TPX2: variants seen among roughly 807,000 people sequenced by gnomAD.
TPX2 encodes the protein targeting protein for Xklp2.
A neutral mutation model predicts 93.6 loss-of-function variants in TPX2; 21 were observed. The ratio of observed to expected loss-of-function variants is 0.22; its 90% CI spans 0.16 to 0.32. The LOEUF (loss-of-function observed/expected upper bound fraction) is 0.32. Among genes scored for constraint, TPX2 ranks in the 10% least tolerant of loss-of-function variants. The probability of loss-of-function intolerance (pLI) is 1.00; values close to 1 mark genes in which losing one functional copy is unlikely to be tolerated. For synonymous variants in TPX2, 281 were observed against 298.3 expected, an observed-to-expected ratio of 0.94 and a Z score of 0.60; for missense variants, 776 against 871.1, an observed-to-expected ratio of 0.89 and a Z score of 1.37.
intron 15 of TPX2, among the ~76,000 whole-genome samples, chr20:31,795,407 T>C (rs2062132105): frequency 6.6e-6 from 1 of 152,286 alleles, no homozygotes; most frequent in Non-Finnish European, 1.5e-5. Flanking sequence ...GTGCTGGGAT[T>C]ACAAGCATGA....
intron 5 of TPX2, among the ~76,000 whole-genome samples, chr20:31,770,120 T>C (rs2061955806): frequency 6.6e-6 from 1 of 152,098 alleles, no homozygotes; most frequent in Non-Finnish European, 1.5e-5. Context: ...TTTTAATCAT[T>C]TTATTGAGGT....
At chr20:31,777,234 G>A (rs1027527181) in intron 8 of TPX2, among the ~76,000 whole-genome samples, 1 of 152,148 alleles carries the variant, frequency 6.6e-6, no homozygotes, top group Non-Finnish European at 1.5e-5. Context: ...TAGGAGATGG[G>A]ATTCTTCTAC....
intron 8 of TPX2, among the ~76,000 whole-genome samples, chr20:31,777,207 A>G (rs1368420019): frequency 3.3e-5 from 5 of 152,222 alleles, no homozygotes; most frequent in Admixed American, 1.3e-4. Context: ...CTTTTTCTCC[A>G]TAGCTATGAC....
intron 12 of TPX2, among the ~76,000 whole-genome samples, chr20:31,791,516 C>T (rs2062101534): frequency 1.3e-5 from 2 of 152,188 alleles, no homozygotes; most frequent in South Asian, 4.1e-4. Flanking sequence ...GATCTCCTGA[C>T]CTCGTGATCC....
intron 7 of TPX2, among the ~76,000 whole-genome samples, chr20:31,774,604 C>T (rs1353510977): frequency 6.6e-6 from 1 of 152,290 alleles, no homozygotes; most frequent in East Asian, 1.9e-4. Flanking sequence ...GTGGGGAAAA[C>T]TGAGGCTCAG....
intron 5 of TPX2, among the ~76,000 whole-genome samples, chr20:31,769,317 G>A (rs568625538): frequency 7.7e-5 from 10 of 129,648 alleles, no homozygotes; most frequent in Non-Finnish European, 1.4e-4. Flanking sequence ...TAATGATCAC[G>A]CTTTTTTTTT....
intron 3 of TPX2, among the ~76,000 whole-genome samples, chr20:31,759,395 CG>C (rs1245317182): frequency 2.2e-4 from 28 of 126,586 alleles, no homozygotes; most frequent in South Asian, 2.4e-4. Context: ...AGTTTTCTTT[CG>C]TTTTTTTTTT....
chr20:31,771,793 C>T (rs1600375917), intron 7 of TPX2, 111 bp downstream of exon 7: 2 of 1,280,658 alleles, frequency 1.6e-6, no homozygotes, highest in Non-Finnish European at 1.1e-6. Flanking sequence ...GAAGCTTTGA[C>T]CATGGTGAGG....
chr20:31,782,184 A>G, intron 10 of TPX2, 65 bp from the exon 11 acceptor site: 2 of 1,545,842 alleles, frequency 1.3e-6, no homozygotes, highest in African/African-American at 1.4e-5. Flanking sequence ...ACATAGGTGA[A>G]TCACCACTTA....
chr20:31,750,025 C>T (rs1166163254), intron 2 of TPX2, among the ~76,000 whole-genome samples: 1 of 152,018 alleles, frequency 6.6e-6, no homozygotes, highest in Non-Finnish European at 1.5e-5. Context: ...GGAACCTCCT[C>T]CTCCCGGGTT....
rs529776618 is a variant in TPX2, at chr20:31,756,324, A to G, written c.-70-1083A>G. The stretch of plus-strand genomic sequence containing the variant: ...AAGCACAATTGGCTTTGGAGAGGCA[A>G]CAATTTTGTATGATAGGTGGAAATT... On this transcript the variant is annotated intron_variant, in intron 2 of 17. Coordinates refer to ENST00000300403, the MANE Select transcript of TPX2 (RefSeq NM_012112.5). Among the ~76,000 whole-genome samples, 43 of 152,338 alleles carry G rather than the reference A, an allele frequency of 2.8e-4. 1 individual carries two copies. In the South Asian group the frequency reaches 7.2e-3, roughly 26 times the overall value.
intron 2 of TPX2, among the ~76,000 whole-genome samples, chr20:31,754,221 A>G (rs368200643): frequency 6.6e-6 from 1 of 151,936 alleles, no homozygotes. Context: ...AGCTGGAACT[A>G]CAGGTGCAGC....
Position 31,778,821 on chromosome 20 carries a change from G to C in TPX2, c.891G>C (p.Val297=), listed in dbSNP as rs779464412. The change falls in exon 10 of 18, where the codon GTG becomes GTC. Residue 297 remains valine, a synonymous_variant. Coordinates refer to ENST00000300403, the MANE Select transcript of TPX2 (RefSeq NM_012112.5). ...LRKHPSSPAR[V]TKGCTIVKPF... ...AACTTTTCTCTTTACAGGCCCGAGT[G>C]ACTAAGGGATGTACCATTGTTAAGC... 1.3e-6 allele frequency: 2 copies of C among 1,577,738 alleles called. No individual in the cohort carries two copies. Among genetic ancestry groups the C allele is most frequent in the South Asian group, 2.4e-5 (2 of 83,956 alleles).
intron 3 of TPX2, among the ~76,000 whole-genome samples, chr20:31,758,506 T>G (rs556875002): frequency 6.6e-6 from 1 of 152,294 alleles, no homozygotes; most frequent in African/African-American, 2.4e-5. Context: ...AGTAAGAATG[T>G]GGTTACATTT....
At chr20:31,791,445 G>A (rs963461628) in intron 12 of TPX2, among the ~76,000 whole-genome samples, 2 of 151,982 alleles carry the variant, frequency 1.3e-5, no homozygotes, top group Non-Finnish European at 2.9e-5. Flanking sequence ...CACCATGCCC[G>A]GCTAATTTTT....
intron 4 of TPX2, among the ~76,000 whole-genome samples, chr20:31,763,431 C>T (rs943714150): frequency 7.2e-5 from 11 of 152,064 alleles, no homozygotes; most frequent in African/African-American, 2.7e-4. Context: ...CTACCTGCCT[C>T]GGCCTCTGAA....
At chr20:31,793,417 C>T (rs771259766) in intron 13 of TPX2, among the ~76,000 whole-genome samples, 1 of 152,086 alleles carries the variant, frequency 6.6e-6, no homozygotes, top group Non-Finnish European at 1.5e-5. Context: ...AACTAAAATA[C>T]GCAGTAATCT....
chr20:31,770,898 CTTTT>C (rs35680390), intron 6 of TPX2, among the ~76,000 whole-genome samples: 13 of 120,286 alleles, frequency 1.1e-4, no homozygotes. Context: ...TGATTTTTAG[CTTTT>C]TTTTTTTTTT....
At chr20:31,769,467 C>T (rs762607686) in intron 5 of TPX2, among the ~76,000 whole-genome samples, 9 of 151,872 alleles carry the variant, frequency 5.9e-5, no homozygotes, top group South Asian at 2.1e-4. Context: ...TACAGGCGCC[C>T]GCCGCCACGC....
Sources: allele counts gnomAD v4.1 joint callset (sites outside exome capture counted in the v4.1 genomes callset), GRCh38; gene constraint gnomAD v4.1.1; transcripts MANE v1.5; gene names NCBI Gene and HGNC (gene_info 2026-07-23, HGNC 2026-07-21).